RBMS3: variants seen among roughly 807,000 people sequenced by gnomAD.
The protein encoded by RBMS3 is RNA binding motif single stranded interacting protein 3, also known as RNA-binding motif, single-stranded-interacting protein 3.
In RBMS3, 27 loss-of-function variants were observed where a neutral mutation model predicts 66.8. That is an observed-to-expected ratio of 0.40 (90% CI 0.30 to 0.56). The LOEUF (loss-of-function observed/expected upper bound fraction) is 0.56, where lower values mean the gene tolerates loss of function less well. Among genes scored for constraint, RBMS3 ranks in the 20% least tolerant of loss-of-function variants. The pLI, the probability that RBMS3 is intolerant of heterozygous loss-of-function variation, is 0.40. For synonymous variants in RBMS3, 188 were observed against 183.0 expected (o/e 1.03, Z -0.22); for missense variants, 513 against 549.5 (o/e 0.93, Z 0.66).
intron 2 of RBMS3, among the ~76,000 whole-genome samples, chr3:29,439,599 T>TTA (rs1480824848): frequency 1.3e-5 from 2 of 151,126 alleles, no homozygotes; most frequent in Admixed American, 6.6e-5. Flanking sequence ...CTCTTTTTAT[T>TTA]TATTTATTTA....
At chr3:29,655,544 A>G (rs900076814) in intron 4 of RBMS3, among the ~76,000 whole-genome samples, 1 of 152,220 alleles carries the variant, frequency 6.6e-6, no homozygotes, top group African/African-American at 2.4e-5. Flanking sequence ...ACAATGTGTT[A>G]CTCACATGTG....
chr3:29,996,430 T>C (rs570964142), intron 14 of RBMS3, among the ~76,000 whole-genome samples: 2,121 of 150,004 alleles, frequency 0.014, 53 homozygotes, highest in African/African-American at 0.05. Flanking sequence ...AATAGACACC[T>C]ACAGAACTCT....
intron 5 of RBMS3, among the ~76,000 whole-genome samples, chr3:29,749,331 T>TAG (rs1352085281): frequency 1.3e-5 from 2 of 152,212 alleles, no homozygotes; most frequent in Non-Finnish European, 2.9e-5. Flanking sequence ...AACATTATTT[T>TAG]TCTCTCTCCA....
chr3:29,993,997 T>A (rs1404582043), intron 14 of RBMS3, among the ~76,000 whole-genome samples: 1 of 152,192 alleles, frequency 6.6e-6, no homozygotes, highest in African/African-American at 2.4e-5. Context: ...GATGGGTGAT[T>A]TCTGCATTTC....
At chr3:29,771,499 TC>T (rs1368510654) in intron 6 of RBMS3, among the ~76,000 whole-genome samples, 2 of 151,856 alleles carry the variant, frequency 1.3e-5, no homozygotes, top group African/African-American at 4.8e-5. Flanking sequence ...TAAATCCTAA[TC>T]CCCAGAACCT....
chr3:29,838,734 A>G (rs918843255), intron 6 of RBMS3, among the ~76,000 whole-genome samples: 6 of 152,164 alleles, frequency 3.9e-5, no homozygotes, highest in Non-Finnish European at 5.9e-5. Flanking sequence ...TTATGCAGCA[A>G]TAACATTTAT....
chr3:29,553,686 A>G (rs1282446315), intron 3 of RBMS3, among the ~76,000 whole-genome samples: 1 of 152,056 alleles, frequency 6.6e-6, no homozygotes, highest in African/African-American at 2.4e-5. Context: ...TCACATGTGC[A>G]TATATAATAT....
At chr3:29,697,616 AT>A (rs1384690147) in intron 4 of RBMS3, among the ~76,000 whole-genome samples, 1 of 152,146 alleles carries the variant, frequency 6.6e-6, no homozygotes, top group Admixed American at 6.5e-5. Flanking sequence ...ATTTCTTTGG[AT>A]TTTTGAATAT....
chr3:29,790,737 T>C (rs1409725518), intron 6 of RBMS3, among the ~76,000 whole-genome samples: 1 of 152,224 alleles, frequency 6.6e-6, no homozygotes, highest in African/African-American at 2.4e-5. Flanking sequence ...TGCCCTCATT[T>C]TCTTGCTTTT....
chr3:29,726,720 G>A (rs955258584), intron 4 of RBMS3, among the ~76,000 whole-genome samples: 3 of 151,948 alleles, frequency 2.0e-5, no homozygotes, highest in African/African-American at 7.3e-5. Context: ...ACAAACAAAT[G>A]GAAAAACATT....
At chr3:29,854,680 T>C (rs1219272099) in intron 6 of RBMS3, among the ~76,000 whole-genome samples, 1 of 152,196 alleles carries the variant, frequency 6.6e-6, no homozygotes, top group Non-Finnish European at 1.5e-5. Flanking sequence ...GCCCTTTGTA[T>C]TACCTGGCAA....
intron 4 of RBMS3, among the ~76,000 whole-genome samples, chr3:29,727,908 G>A (rs1489387913): frequency 6.6e-6 from 1 of 152,144 alleles, no homozygotes; most frequent in Non-Finnish European, 1.5e-5. Flanking sequence ...ACATGCACAT[G>A]TATGTTTATT....
chr3:29,992,771 C>CAGATCAAGGAATGATA (rs1266256088), intron 14 of RBMS3, among the ~76,000 whole-genome samples: 5 of 148,434 alleles, frequency 3.4e-5, no homozygotes. Flanking sequence ...TTGCTGAAGG[C>CAGATCAAGGAATGATA]AGATCAAGGA....
chr3:29,990,151 G>A (rs1449793978), intron 13 of RBMS3, among the ~76,000 whole-genome samples: 1 of 151,844 alleles, frequency 6.6e-6, no homozygotes, highest in Non-Finnish European at 1.5e-5. Context: ...ATAAAGGTGG[G>A]AGGTTTCAAA....
At chr3:29,873,110 G>GT (rs2059531153) in intron 7 of RBMS3, among the ~76,000 whole-genome samples, 1 of 151,976 alleles carries the variant, frequency 6.6e-6, no homozygotes, top group Non-Finnish European at 1.5e-5. Flanking sequence ...TTTTAAAATA[G>GT]TTTTTTTCTA....
intron 3 of RBMS3, among the ~76,000 whole-genome samples, chr3:29,517,718 TG>T (rs1485587497): frequency 6.6e-6 from 1 of 152,196 alleles, no homozygotes; most frequent in Non-Finnish European, 1.5e-5. Context: ...GGGGGAATAC[TG>T]GGTTTTTGTT....
intron 1 of RBMS3, among the ~76,000 whole-genome samples, chr3:29,297,847 T>C (rs546606703): frequency 2.6e-5 from 4 of 151,952 alleles, no homozygotes; most frequent in African/African-American, 7.2e-5. Context: ...TGAAATCTCA[T>C]GTTTAAAAAT....
chr3:29,811,959 C>T (rs571887326), intron 6 of RBMS3, among the ~76,000 whole-genome samples: 44 of 152,238 alleles, frequency 2.9e-4, no homozygotes, highest in African/African-American at 1.1e-3. Context: ...TTCATTTCCT[C>T]CCCAGATTTG....
chr3:29,969,786 A>G (rs541023806), intron 12 of RBMS3, among the ~76,000 whole-genome samples: 1 of 152,346 alleles, frequency 6.6e-6, no homozygotes, highest in South Asian at 2.1e-4. Flanking sequence ...AATGTGGATT[A>G]TCATCAAGAA....
Sources: gnomAD v4.1 joint callset for allele counts (sites outside exome capture counted in the v4.1 genomes callset) on GRCh38, gnomAD v4.1.1 for gene constraint, MANE v1.5 for transcripts, NCBI Gene and HGNC (gene_info 2026-07-23, HGNC 2026-07-21) for gene names.